The following ATF7 variants were observed in gnomAD, a reference collection of about 807,000 sequenced individuals.
ATF7 encodes cyclic AMP-dependent transcription factor ATF-7.
ATF7 carries 10 observed loss-of-function variants against 50.4 expected under a neutral mutation model. The ratio of observed to expected loss-of-function variants is 0.20; its 90% CI spans 0.12 to 0.34. ATF7 has a LOEUF of 0.34. Among genes scored for constraint, ATF7 ranks in the 10% least tolerant of loss-of-function variants. ATF7 has a pLI of 1.00. For synonymous variants in ATF7, 201 were observed against 226.4 expected (o/e 0.89, Z 1.01); for missense variants, 465 against 613.9 (o/e 0.76, Z 2.56).
chr12:53,546,762 T>C (rs1355410514), intron 3 of ATF7, among the ~76,000 whole-genome samples: 2 of 151,256 alleles, frequency 1.3e-5, no homozygotes, highest in Non-Finnish European at 2.9e-5. Context: ...TTTTTCTTTT[T>C]TTTTTCTTTT....
intron 3 of ATF7, among the ~76,000 whole-genome samples, chr12:53,547,273 C>T (rs544638636): frequency 6.9e-5 from 10 of 144,266 alleles, no homozygotes; most frequent in East Asian, 2.1e-4. Context: ...TGTGAGCCAC[C>T]GTGCCCAGCC....
chr12:53,553,562 T>G (rs957835830), intron 2 of ATF7, among the ~76,000 whole-genome samples: 3 of 152,090 alleles, frequency 2.0e-5, no homozygotes, highest in African/African-American at 7.2e-5. Context: ...TACCCCTTCT[T>G]AAAAGGGGGA....
chr12:53,524,685 C>A lies in ATF7; in HGVS notation c.1004G>T (p.Arg335Leu). 1 of 1,613,442 alleles carries A rather than the reference C, an allele frequency of 6.2e-7. No homozygotes were observed. Among genetic ancestry groups the A allele is most frequent in the Non-Finnish European group, 8.5e-7 (1 of 1,179,874 alleles). ...RTVDEDPDER[R>L]QRFLERNRAA... ...CCGGTTGCGCTCCAGAAAGCGCTGC[C>A]GTCGCTCATCTGGATCTTCATCTAC... The change falls in exon 10 of 12, where the codon CGG becomes CTG. Residue 335 changes from arginine to leucine, a missense_variant. Arg to Leu is a moderately radical substitution (Grantham distance 102). Transcript: ENST00000420353. This position sits in a 1 kb window ranked among gnomAD's most constrained non-coding sequence, Gnocchi z 4.6.
rs370684279 is a variant in ATF7, at chr12:53,602,332, C to T, written c.-21-1311G>A. ...ATGTCAGGACAATCTGTCAGGCTCG[C>T]GTTGAAATAAAATGTTAACGTGCTA... is the stretch of plus-strand genomic sequence containing the variant. On this transcript the variant is annotated intron_variant, in intron 1 of 11. Coordinates refer to ENST00000420353, the MANE Select transcript of ATF7 (RefSeq NM_006856.3). Among the ~76,000 whole-genome samples the T allele has an allele frequency of 7.2e-5, 11 of 152,256 alleles. No individual in the cohort carries two copies. In the East Asian group the frequency reaches 1.5e-3, roughly 21 times the overall value.
chr12:53,571,265 T>G (rs546612240), intron 2 of ATF7, among the ~76,000 whole-genome samples: 1 of 152,302 alleles, frequency 6.6e-6, no homozygotes, highest in South Asian at 2.1e-4. Flanking sequence ...TCCTCTTTAA[T>G]ATCTTGGTGG....
chr12:53,523,401 G>T lies in ATF7; in HGVS notation c.1126-17C>A. On this transcript the variant is annotated splice_polypyrimidine_tract_variant and intron_variant, in intron 10 of 11. Coordinates refer to ENST00000420353, the MANE Select transcript of ATF7 (RefSeq NM_006856.3). ...GACTTCATTCTGAGGAGGGAGGGAA[G>T]AAAAGAGTATCAAGAAAATTCATCC... 6.4e-7 allele frequency: 1 copy of T among 1,571,658 alleles called. No individual in the cohort carries two copies.
At chr12:53,547,283 CT>C (rs34610513) in intron 3 of ATF7, among the ~76,000 whole-genome samples, 17,700 of 62,074 alleles carry the variant, frequency 0.29, 1,325 homozygotes, top group Non-Finnish European at 0.37. Flanking sequence ...CGTGCCCAGC[CT>C]TTTTTTTTTT....
chr12:53,536,682 G>A (rs1327608909), intron 5 of ATF7, among the ~76,000 whole-genome samples: 2 of 152,032 alleles, frequency 1.3e-5, no homozygotes, highest in Non-Finnish European at 2.9e-5. Context: ...GAGGTCAGGA[G>A]ATCGAGACCA....
chr12:53,586,967 C>T (rs1314732797), intron 2 of ATF7, among the ~76,000 whole-genome samples: 1 of 152,148 alleles, frequency 6.6e-6, no homozygotes, highest in African/African-American at 2.4e-5. Context: ...AACTTGACTT[C>T]GTGGTAAGAG....
chr12:53,557,648 G>A (rs1238586160), intron 2 of ATF7, among the ~76,000 whole-genome samples: 1 of 152,184 alleles, frequency 6.6e-6, no homozygotes, highest in Non-Finnish European at 1.5e-5. Flanking sequence ...GGCAGCAGAA[G>A]GCTTAATACA....
intron 11 of ATF7, among the ~76,000 whole-genome samples, chr12:53,517,947 C>T (rs1282348561): frequency 1.3e-5 from 2 of 152,176 alleles, no homozygotes; most frequent in Non-Finnish European, 2.9e-5. Flanking sequence ...TCATTGCAAC[C>T]TCTGCCATCC....
At chr12:53,528,498 C>T (rs1938629310) in intron 9 of ATF7, among the ~76,000 whole-genome samples, 1 of 152,112 alleles carries the variant, frequency 6.6e-6, no homozygotes. Context: ...TGTGGTGGCT[C>T]ACGCCTGTAA....
chr12:53,568,229 G>C (rs182567218), intron 2 of ATF7, among the ~76,000 whole-genome samples: 1 of 152,292 alleles, frequency 6.6e-6, no homozygotes, highest in African/African-American at 2.4e-5. Context: ...CAAAAACCCT[G>C]CCCTGATCTT....
At chr12:53,553,862 G>A (rs1381118171) in intron 2 of ATF7, among the ~76,000 whole-genome samples, 1 of 152,078 alleles carries the variant, frequency 6.6e-6, no homozygotes, top group Non-Finnish European at 1.5e-5. Flanking sequence ...AGCTCTTCTT[G>A]ACTGCAAACA....
At chr12:53,558,948 C>T (rs1940918509) in intron 2 of ATF7, among the ~76,000 whole-genome samples, 4 of 152,046 alleles carry the variant, frequency 2.6e-5, no homozygotes, top group Admixed American at 6.6e-5. Flanking sequence ...TCTAGAATCT[C>T]TCCTCCTCAC....
At position 53,537,180 on chromosome 12, in the gene ATF7, C is replaced by CA. The variant is rs541204192; in HGVS notation, c.402+234dup. Among the ~76,000 whole-genome samples the CA allele has an allele frequency of 3.9e-5, 6 of 151,972 alleles. No individual in the cohort carries two copies. In the South Asian group the frequency reaches 1.2e-3, roughly 32 times the overall value. ...GACCTCTAGGGCTTAAGTGATCCTC[C>CA]ACCTCATACTCTCAAGTAGCTGGAA... On this transcript the variant is annotated intron_variant, in intron 5 of 11. Transcript: ENST00000420353.
In ATF7 at chr12:53,514,762, C is replaced by A. The variant is rs1367819540; in HGVS notation, c.*2375G>T. 6.6e-6 allele frequency: 1 copy of A among 152,128 alleles called. No homozygotes were observed. The highest frequency in any genetic ancestry group is 1.5e-5 in the Non-Finnish European group (1 of 68,030). The allele number at this position is 152,128 out of a possible 1,614,324, so 9.4% of individuals were successfully genotyped here. A position where few individuals can be genotyped will look rare whatever the true frequency, so the allele number is the denominator to read the frequency against. On this transcript the variant is annotated 3_prime_UTR_variant, in exon 12 of 12. Transcript: ENST00000420353. ...ATAAATTAGCCACCCAACACAGGGACAGACTGGCAGGGCATGTATGCAGTT... is the reference window on the plus strand; with the variant it reads ...ATAAATTAGCCACCCAACACAGGGAAAGACTGGCAGGGCATGTATGCAGTT...
At chr12:53,605,990 T>C (rs1943585960) in intron 1 of ATF7, among the ~76,000 whole-genome samples, 1 of 152,220 alleles carries the variant, frequency 6.6e-6, no homozygotes, top group Non-Finnish European at 1.5e-5. Flanking sequence ...GCTACACATA[T>C]TTTAAATCCA....
intron 5 of ATF7, among the ~76,000 whole-genome samples, chr12:53,536,627 C>T (rs188806264): frequency 6.6e-6 from 1 of 151,756 alleles, no homozygotes; most frequent in East Asian, 2.0e-4. Context: ...GTGGCTCAAT[C>T]CTGTAACCCT....
Sources: allele counts gnomAD v4.1 joint callset (sites outside exome capture counted in the v4.1 genomes callset), GRCh38; gene constraint gnomAD v4.1.1; non-coding constraint Gnocchi (gnomAD v3.1); transcripts MANE v1.5; gene names NCBI Gene and HGNC (gene_info 2026-07-23, HGNC 2026-07-21).